Variants in COL19A1 observed in about 807,000 individuals in gnomAD.
COL19A1 encodes collagen alpha-1(XIX) chain.
COL19A1 carries 159 observed loss-of-function variants against 190.2 expected under a neutral mutation model. The ratio of observed to expected loss-of-function variants is 0.84; its 90% CI spans 0.73 to 0.95. The LOEUF is 0.95. COL19A1 is among the 40% of genes least tolerant of loss of function. The probability of loss-of-function intolerance (pLI) is 0.00; values close to 1 mark genes in which losing one functional copy is unlikely to be tolerated. For synonymous variants in COL19A1, 509 were observed against 458.9 expected (o/e 1.11, Z -1.39); for missense variants, 1,418 against 1,431.9 (o/e 0.99, Z 0.16).
At chr6:70,168,292 A>G in intron 39 of COL19A1, 77 bp downstream of exon 39, 2 of 1,481,830 alleles carry the variant, frequency 1.3e-6, no homozygotes, top group Non-Finnish European at 1.9e-6. Flanking sequence ...AAACCTCTTA[A>G]GTTCACTGAA....
chr6:70,133,754 G>A (rs1785662352), intron 18 of COL19A1, among the ~76,000 whole-genome samples: 1 of 152,158 alleles, frequency 6.6e-6, no homozygotes, highest in Non-Finnish European at 1.5e-5. Flanking sequence ...TCTCTACAGT[G>A]ATAAATCACT....
At chr6:70,192,360 C>A (rs986634724) in intron 48 of COL19A1, among the ~76,000 whole-genome samples, 1 of 152,104 alleles carries the variant, frequency 6.6e-6, no homozygotes, top group Non-Finnish European at 1.5e-5. Flanking sequence ...TCTGATATGA[C>A]AGTTTACTAA....
intron 40 of COL19A1, 111 bp from the exon 41 acceptor site, chr6:70,171,852 CA>C (rs1765520358): frequency 1.2e-6 from 1 of 806,774 alleles, no homozygotes; most frequent in East Asian, 2.5e-5. Context: ...TGCTAAATTA[CA>C]CATCAATGTT....
At chr6:69,980,545 A>T (rs1425450817) in intron 11 of COL19A1, among the ~76,000 whole-genome samples, 1 of 152,180 alleles carries the variant, frequency 6.6e-6, no homozygotes, top group Non-Finnish European at 1.5e-5. Context: ...CATATTAGAC[A>T]TATAAAAATT....
At chr6:70,137,815 A>G (rs1393752120) in intron 19 of COL19A1, 68 bp downstream of exon 19, 3 of 1,482,498 alleles carry the variant, frequency 2.0e-6, no homozygotes, top group African/African-American at 1.4e-5. Flanking sequence ...ACGTTTCCAA[A>G]TCAGCCCCAA....
intron 15 of COL19A1, among the ~76,000 whole-genome samples, chr6:70,083,035 C>T (rs1199123013): frequency 1.3e-5 from 2 of 152,198 alleles, no homozygotes; most frequent in Non-Finnish European, 2.9e-5. Context: ...CCTAACAGTC[C>T]ACAGACCGGT....
At chr6:70,067,255 C>T (rs912132279) in intron 14 of COL19A1, among the ~76,000 whole-genome samples, 5 of 152,102 alleles carry the variant, frequency 3.3e-5, no homozygotes, top group African/African-American at 9.7e-5. Context: ...GAAGCTCTTA[C>T]AGATGAGCAA....
chr6:69,963,466 T>G (rs185551563), intron 11 of COL19A1, among the ~76,000 whole-genome samples: 1 of 152,270 alleles, frequency 6.6e-6, no homozygotes, highest in East Asian at 1.9e-4. Flanking sequence ...GAGAAAAGTG[T>G]GTGGCCAAGG....
chr6:70,073,312 G>C (rs964379861), intron 15 of COL19A1, among the ~76,000 whole-genome samples: 14 of 151,978 alleles, frequency 9.2e-5, no homozygotes, highest in African/African-American at 3.1e-4. Context: ...TTAAATCCCA[G>C]CTTTACTGCT....
At chr6:70,144,331 G>A in intron 24 of COL19A1, 68 bp downstream of exon 24, 1 of 1,378,662 alleles carries the variant, frequency 7.3e-7, no homozygotes, top group Non-Finnish European at 1.0e-6. Context: ...GATCATAAGG[G>A]AGATGAAAGG....
At chr6:69,971,456 C>T (rs1775419831) in intron 11 of COL19A1, among the ~76,000 whole-genome samples, 1 of 152,118 alleles carries the variant, frequency 6.6e-6, no homozygotes, top group South Asian at 2.1e-4. Flanking sequence ...CGAGAACTAG[C>T]TGTGAAGAGG....
intron 15 of COL19A1, among the ~76,000 whole-genome samples, chr6:70,086,208 C>G (rs201075064): frequency 6.6e-6 from 1 of 151,946 alleles, no homozygotes; most frequent in East Asian, 1.9e-4. Context: ...GAAATGTTAC[C>G]TATCCACAAC....
At chr6:70,001,854 T>G (rs1777283372) in intron 11 of COL19A1, among the ~76,000 whole-genome samples, 2 of 152,196 alleles carry the variant, frequency 1.3e-5, no homozygotes, top group Admixed American at 1.3e-4. Context: ...GAATACCCTT[T>G]ATTTCTTTCT....
At chr6:70,164,753 A>T (rs1414772511) in intron 36 of COL19A1, among the ~76,000 whole-genome samples, 2 of 152,192 alleles carry the variant, frequency 1.3e-5, no homozygotes, top group Admixed American at 6.5e-5. Flanking sequence ...TAGAACTATG[A>T]CATAATTCTT....
chr6:70,157,786 T>C (rs1042878640), intron 34 of COL19A1, among the ~76,000 whole-genome samples: 2 of 152,158 alleles, frequency 1.3e-5, no homozygotes, highest in African/African-American at 4.8e-5. Flanking sequence ...ATTTTCATAG[T>C]CCAACAGCTT....
intron 8 of COL19A1, 97 bp from the exon 9 acceptor site, chr6:69,937,941 C>T (rs1327013199): frequency 1.3e-5 from 15 of 1,144,220 alleles, no homozygotes; most frequent in South Asian, 2.7e-5. Flanking sequence ...GAGAACAAAG[C>T]GTTATCTTGC....
Position 70,138,083 on chromosome 6 carries a change from AC to A in COL19A1, c.1446+338del, listed in dbSNP as rs1252778815. Among the ~76,000 whole-genome samples the A allele has an allele frequency of 2.0e-5, 3 of 152,202 alleles. No homozygotes were observed. The East Asian group carries it at 5.8e-4, about 29-fold the overall frequency. On this transcript the variant is annotated intron_variant, in intron 19 of 50. Transcript: ENST00000620364. ...CACACCTAGGTGAGTTGATTCTAGA[AC>A]CTAAAGTTTAAAATCACAAAGCTCC...
intron 44 of COL19A1, among the ~76,000 whole-genome samples, chr6:70,183,584 G>C (rs1301928280): frequency 6.6e-6 from 1 of 152,138 alleles, no homozygotes; most frequent in African/African-American, 2.4e-5. Flanking sequence ...CTTTATCCTT[G>C]TTCCTTGTGT....
chr6:70,172,195 A>G (rs774087442), intron 41 of COL19A1, among the ~76,000 whole-genome samples, 178 bp downstream of exon 41: 5 of 152,228 alleles, frequency 3.3e-5, no homozygotes, highest in African/African-American at 4.8e-5. Flanking sequence ...AAAAGAATAA[A>G]CATTTTAAAA....
Sources: gnomAD v4.1 joint callset for allele counts (sites outside exome capture counted in the v4.1 genomes callset) on GRCh38, gnomAD v4.1.1 for gene constraint, MANE v1.5 for transcripts, NCBI Gene and HGNC (gene_info 2026-07-23, HGNC 2026-07-21) for gene names.